Variants in PXYLP1 observed in about 807,000 individuals in gnomAD.
PXYLP1 encodes the protein 2-phosphoxylose phosphatase 1.
Under a neutral mutation model 37.9 loss-of-function variants are expected in PXYLP1, and 17 were observed. That is an observed-to-expected ratio of 0.45 (90% CI 0.31 to 0.67). The LOEUF (loss-of-function observed/expected upper bound fraction) is 0.67, where lower values mean the gene tolerates loss of function less well. Among genes scored for constraint, PXYLP1 ranks in the 30% least tolerant of loss-of-function variants. The pLI is 0.07. For synonymous variants in PXYLP1, 221 were observed against 232.2 expected (o/e 0.95, Z 0.44); for missense variants, 511 against 612.0 (o/e 0.84, Z 1.74).
At chr3:141,270,873 A>G (rs1941645933) in intron 2 of PXYLP1, among the ~76,000 whole-genome samples, 1 of 152,154 alleles carries the variant, frequency 6.6e-6, no homozygotes, top group South Asian at 2.1e-4. Flanking sequence ...CAGGGGATGG[A>G]TGTAGAAAAT....
intron 5 of PXYLP1, among the ~76,000 whole-genome samples, chr3:141,290,057 T>C (rs369464149): frequency 2.2e-4 from 34 of 152,342 alleles, no homozygotes; most frequent in African/African-American, 7.9e-4. Context: ...TTAAATATCA[T>C]GAAAAATGCA....
intron 2 of PXYLP1, among the ~76,000 whole-genome samples, chr3:141,272,169 GGT>G (rs1400833464): frequency 2.0e-5 from 3 of 152,168 alleles, no homozygotes; most frequent in Non-Finnish European, 2.9e-5. Context: ...GAAAGAAACT[GGT>G]GTGTCCTTGT....
intron 5 of PXYLP1, among the ~76,000 whole-genome samples, chr3:141,288,367 TTAG>T: frequency 6.6e-6 from 1 of 152,182 alleles, no homozygotes; most frequent in African/African-American, 2.4e-5. Flanking sequence ...GTAGGCCCTC[TTAG>T]GTTTTGCCAT....
chr3:141,247,703 A>G (rs1361379155), intron 1 of PXYLP1, among the ~76,000 whole-genome samples: 2 of 152,232 alleles, frequency 1.3e-5, no homozygotes, highest in East Asian at 3.8e-4. Flanking sequence ...AGAGAACTAC[A>G]AAAACAAACC....
intron 1 of PXYLP1, among the ~76,000 whole-genome samples, chr3:141,241,155 T>C (rs572323742): frequency 6.6e-6 from 1 of 152,340 alleles, no homozygotes; most frequent in South Asian, 2.1e-4. Flanking sequence ...AAAAGTGTTT[T>C]CCCACTACTT....
At chr3:141,283,854 C>T (rs1942011177) in intron 4 of PXYLP1, among the ~76,000 whole-genome samples, 1 of 151,496 alleles carries the variant, frequency 6.6e-6, no homozygotes, top group African/African-American at 2.4e-5. Context: ...TGTGGATTAG[C>T]CTTGGGGTTC....
chr3:141,255,965 A>C (rs989969247), intron 1 of PXYLP1, among the ~76,000 whole-genome samples: 5 of 152,196 alleles, frequency 3.3e-5, no homozygotes, highest in African/African-American at 9.7e-5. Context: ...GTCAGCCCCC[A>C]GGAAGGCTCA....
chr3:141,237,081 A>AT (rs1424694433), intron 1 of PXYLP1, among the ~76,000 whole-genome samples: 1 of 152,190 alleles, frequency 6.6e-6, no homozygotes, highest in Non-Finnish European at 1.5e-5. Context: ...GGACCTTGGG[A>AT]TGGTTAAAAG....
intron 2 of PXYLP1, among the ~76,000 whole-genome samples, chr3:141,265,717 C>G (rs1941492987): frequency 6.6e-6 from 1 of 152,176 alleles, no homozygotes; most frequent in Non-Finnish European, 1.5e-5. Context: ...TCAGTAGACA[C>G]TTCATTCATG....
chr3:141,285,769 T>G (rs1395311414), intron 4 of PXYLP1, among the ~76,000 whole-genome samples: 2 of 152,202 alleles, frequency 1.3e-5, no homozygotes, highest in African/African-American at 4.8e-5. Flanking sequence ...CTTGGCAGCC[T>G]CATTGTCAGT....
Position 141,292,649 on chromosome 3 carries a change from A to T in PXYLP1, c.887A>T (p.Asp296Val). 1 of 1,613,126 alleles carries T rather than the reference A, an allele frequency of 6.2e-7. No homozygotes were observed. Among genetic ancestry groups the T allele is most frequent in the South Asian group, 1.1e-5 (1 of 90,964 alleles). The change falls in exon 6 of 6, where the codon GAC (aspartate) becomes GTC (valine). Residue 296 changes from aspartate (D) to valine (V), a missense_variant. Physicochemically the swap from Asp to Val is radical, Grantham distance 152. Transcript: ENST00000286353. The surrounding 1 kb of genome is among the most constrained non-coding windows in gnomAD (Gnocchi z 4.3). Reference protein sequence around the residue: ...TKQLRAANPIDSMLCHFCHNV... With the variant: ...TKQLRAANPIVSMLCHFCHNV... Reference sequence around the variant, plus strand: ...CAGCTTAGAGCTGCCAACCCCATAGACTCCATGCTCTGCCACTTCTGCCAC... The same window carrying T: ...CAGCTTAGAGCTGCCAACCCCATAGTCTCCATGCTCTGCCACTTCTGCCAC...
intron 2 of PXYLP1, chr3:141,262,227 C>T (rs959277812): frequency 9.5e-6 from 9 of 950,408 alleles, no homozygotes; most frequent in Non-Finnish European, 1.1e-5. Context: ...TTAAAATACT[C>T]GTTTTATCCT....
chr3:141,239,388 A>T (rs1442316442), intron 1 of PXYLP1, among the ~76,000 whole-genome samples: 1 of 152,230 alleles, frequency 6.6e-6, no homozygotes, highest in Non-Finnish European at 1.5e-5. Context: ...CAAAGTGAAA[A>T]ATCACTGTCT....
chr3:141,250,807 C>G (rs1387757421), intron 1 of PXYLP1, among the ~76,000 whole-genome samples: 1 of 152,200 alleles, frequency 6.6e-6, no homozygotes, highest in Non-Finnish European at 1.5e-5. Context: ...AGCCTTGGAG[C>G]TGCTGTCCTA....
intron 2 of PXYLP1, chr3:141,262,394 C>T: frequency 9.8e-7 from 1 of 1,018,754 alleles, no homozygotes. Context: ...AATTTTCCAT[C>T]CTTTGGTTGG....
intron 4 of PXYLP1, among the ~76,000 whole-genome samples, chr3:141,281,315 G>T (rs1217298982): frequency 6.6e-6 from 1 of 152,178 alleles, no homozygotes; most frequent in Non-Finnish European, 1.5e-5. Context: ...GGGGCCCGAG[G>T]CTGAAAGAAC....
intron 5 of PXYLP1, among the ~76,000 whole-genome samples, chr3:141,288,145 C>A (rs1942118917): frequency 6.6e-6 from 1 of 152,214 alleles, no homozygotes; most frequent in South Asian, 2.1e-4. Flanking sequence ...GGTGAGTTAA[C>A]TGTGGAGTCA....
At chr3:141,278,571 G>A in intron 3 of PXYLP1, 71 bp downstream of exon 3, 1 of 1,570,752 alleles carries the variant, frequency 6.4e-7, no homozygotes, top group East Asian at 2.3e-5. Context: ...TTGCACAGCA[G>A]TAAGGAGCAA....
intron 2 of PXYLP1, among the ~76,000 whole-genome samples, chr3:141,266,210 T>A (rs988318704): frequency 2.0e-5 from 3 of 152,228 alleles, no homozygotes; most frequent in Admixed American, 6.5e-5. Flanking sequence ...TTAGATTTTT[T>A]AATTTATTTA....
Sources: allele counts gnomAD v4.1 joint callset (sites outside exome capture counted in the v4.1 genomes callset), GRCh38; gene constraint gnomAD v4.1.1; non-coding constraint Gnocchi (gnomAD v3.1); transcripts MANE v1.5; gene names NCBI Gene and HGNC (gene_info 2026-07-23, HGNC 2026-07-21).